OSBPL1A: variants seen among roughly 807,000 people sequenced by gnomAD.
OSBPL1A encodes oxysterol-binding protein-related protein 1.
A neutral mutation model predicts 137.1 loss-of-function variants in OSBPL1A; 80 were observed. The observed-to-expected ratio is 0.58, with a 90% confidence interval of 0.49 to 0.70. The LOEUF is 0.70. OSBPL1A is among the 30% of genes least tolerant of loss of function. The pLI is 0.00. For synonymous variants in OSBPL1A, 365 were observed against 389.7 expected (o/e 0.94, Z 0.75); for missense variants, 970 against 1,129.4 (o/e 0.86, Z 2.02).
chr18:24,365,025 CAAA>C (rs56400717), intron 4 of OSBPL1A, among the ~76,000 whole-genome samples: 11 of 89,680 alleles, frequency 1.2e-4, no homozygotes, highest in African/African-American at 2.8e-4. Context: ...AAAACAACAA[CAAA>C]AAAAAAAAAA....
At chr18:24,278,198 G>C (rs139576325) in intron 15 of OSBPL1A, among the ~76,000 whole-genome samples, 1 of 152,324 alleles carries the variant, frequency 6.6e-6, no homozygotes, top group East Asian at 1.9e-4. Context: ...AAGGTTCAGA[G>C]AAGTGAAGTA....
At chr18:24,281,734 G>A (rs556696646) in intron 14 of OSBPL1A, among the ~76,000 whole-genome samples, 1 of 152,230 alleles carries the variant, frequency 6.6e-6, no homozygotes, top group East Asian at 1.9e-4. Context: ...GCTTTATTTA[G>A]GGCACATAAA....
chr18:24,200,579 A>AG (rs1331808675), intron 17 of OSBPL1A, among the ~76,000 whole-genome samples: 1 of 151,656 alleles, frequency 6.6e-6, no homozygotes, highest in Non-Finnish European at 1.5e-5. Context: ...AAAAAAAAAA[A>AG]AGTAAAAAAA....
chr18:24,218,452 T>G (rs893939094), intron 17 of OSBPL1A: 4 of 152,038 alleles, frequency 2.6e-5, no homozygotes, highest in Non-Finnish European at 4.4e-5. Context: ...GTTTTTGTTT[T>G]GTTTTTTTTG....
At chr18:24,253,085 A>G (rs2089149586) in intron 15 of OSBPL1A, among the ~76,000 whole-genome samples, 1 of 148,116 alleles carries the variant, frequency 6.8e-6, no homozygotes, top group South Asian at 2.2e-4. Context: ...TTAGAAAACA[A>G]GTAACAAAAC....
At chr18:24,321,767 A>G (rs1211664189) in intron 7 of OSBPL1A, 1 of 467,976 alleles carries the variant, frequency 2.1e-6, no homozygotes, top group East Asian at 6.6e-5. Context: ...TTTTTTAAAA[A>G]GAAAAAGAGA....
chr18:24,324,796 A>T (rs2090940957), intron 7 of OSBPL1A, among the ~76,000 whole-genome samples: 1 of 147,212 alleles, frequency 6.8e-6, no homozygotes, highest in Non-Finnish European at 1.5e-5. Context: ...AAAAAAAAAA[A>T]AAAAAAAGAG....
chr18:24,313,123 A>C (rs1213914697), intron 12 of OSBPL1A, among the ~76,000 whole-genome samples: 3 of 146,926 alleles, frequency 2.0e-5, no homozygotes, highest in African/African-American at 5.1e-5. Context: ...GGGAGGCTCT[A>C]TCTCTAAATA....
At chr18:24,209,763 C>T (rs7244139) in intron 17 of OSBPL1A, among the ~76,000 whole-genome samples, 90,244 of 152,058 alleles carry the variant, frequency 0.59, 27,123 homozygotes, top group East Asian at 0.84. Context: ...GAGTGACTAA[C>T]GCCACATTCA....
At position 24,280,826 on chromosome 18, in the gene OSBPL1A, A is replaced by G. The variant is rs780778463; in HGVS notation, c.1281+16T>C. ...TCCAAACAATTATTTTACAAATTCA[A>G]TTCTGAACTACCTACCCCTTCTTGT... On this transcript the variant is annotated intron_variant, in intron 15 of 27. Transcript: ENST00000319481. 3 of 1,512,552 alleles carry G rather than the reference A, an allele frequency of 2.0e-6. No individual in the cohort carries two copies. The highest frequency in any genetic ancestry group is 1.3e-5 in the South Asian group (1 of 76,492). The allele number at this position is 1,512,552 out of a possible 1,614,324, so 93.7% of individuals were successfully genotyped here.
chr18:24,325,562 A>AC (rs1159652957), intron 7 of OSBPL1A, among the ~76,000 whole-genome samples: 3 of 152,012 alleles, frequency 2.0e-5, no homozygotes, highest in Non-Finnish European at 4.4e-5. Context: ...CTTCTAAGAT[A>AC]CCCCCCATCC....
At chr18:24,372,456 A>G (rs1303003933) in intron 2 of OSBPL1A, among the ~76,000 whole-genome samples, 1 of 151,918 alleles carries the variant, frequency 6.6e-6, no homozygotes, top group Non-Finnish European at 1.5e-5. Flanking sequence ...AGCTGAACTC[A>G]CCTGTCGTCC....
At chr18:24,205,006 T>A (rs537232697) in intron 17 of OSBPL1A, among the ~76,000 whole-genome samples, 1 of 152,360 alleles carries the variant, frequency 6.6e-6, no homozygotes, top group African/African-American at 2.4e-5. Context: ...AGAGTTCTAC[T>A]AAGATGAAGT....
intron 17 of OSBPL1A, among the ~76,000 whole-genome samples, chr18:24,209,875 C>T (rs901167489): frequency 1.8e-4 from 28 of 152,074 alleles, no homozygotes; most frequent in African/African-American, 5.3e-4. Context: ...AGTGGGGGAT[C>T]GACTGAAAGG....
intron 4 of OSBPL1A, among the ~76,000 whole-genome samples, chr18:24,345,732 T>C (rs1318111693): frequency 6.6e-6 from 1 of 152,194 alleles, no homozygotes; most frequent in East Asian, 1.9e-4. Context: ...TATTTTAATT[T>C]TTTTTAAATC....
intron 2 of OSBPL1A, among the ~76,000 whole-genome samples, chr18:24,375,591 A>G (rs554584665): frequency 1.3e-5 from 2 of 152,048 alleles, no homozygotes; most frequent in Admixed American, 6.5e-5. Context: ...TTCACATTTC[A>G]TCTTAGAATC....
intron 2 of OSBPL1A, among the ~76,000 whole-genome samples, chr18:24,368,902 GGGGCCTGGT>G (rs1905386767): frequency 6.6e-6 from 1 of 152,122 alleles, no homozygotes; most frequent in Non-Finnish European, 1.5e-5. Flanking sequence ...AATTGGAGCA[GGGGCCTGGT>G]GGGAGGTGAT....
intron 15 of OSBPL1A, among the ~76,000 whole-genome samples, chr18:24,252,121 G>C (rs867456065): frequency 1.3e-5 from 2 of 152,104 alleles, no homozygotes; most frequent in Middle Eastern, 3.2e-3. Context: ...TGGCCCTAAA[G>C]AGGAGGTAGA....
At chr18:24,339,263 C>T (rs1328827500) in intron 5 of OSBPL1A, among the ~76,000 whole-genome samples, 4 of 152,140 alleles carry the variant, frequency 2.6e-5, no homozygotes, top group Admixed American at 2.0e-4. Context: ...TGAGCCACTG[C>T]GCCCAGCCCC....
Sources: allele counts gnomAD v4.1 joint callset (sites outside exome capture counted in the v4.1 genomes callset), GRCh38; gene constraint gnomAD v4.1.1; transcripts MANE v1.5; gene names NCBI Gene and HGNC (gene_info 2026-07-23, HGNC 2026-07-21).